THSD7A: variants seen among roughly 807,000 people sequenced by gnomAD.
THSD7A encodes the protein thrombospondin type-1 domain-containing protein 7A.
Under a neutral mutation model 231.3 loss-of-function variants are expected in THSD7A, and 96 were observed. The ratio of observed to expected loss-of-function variants is 0.41; its 90% CI spans 0.35 to 0.49. The LOEUF (loss-of-function observed/expected upper bound fraction) is 0.49, where lower values mean the gene tolerates loss of function less well. Ranked by LOEUF, THSD7A falls within the 20% of genes least tolerant of loss-of-function variation. The probability of loss-of-function intolerance (pLI) is 0.05; values close to 1 mark genes in which losing one functional copy is unlikely to be tolerated. For synonymous variants in THSD7A, 940 were observed against 743.3 expected (o/e 1.26, Z -4.30); for missense variants, 2,290 against 2,070.2 (o/e 1.11, Z -2.06).
intron 1 of THSD7A, among the ~76,000 whole-genome samples, chr7:11,667,185 A>T (rs752251568): frequency 6.6e-6 from 1 of 152,026 alleles, no homozygotes; most frequent in Non-Finnish European, 1.5e-5. Flanking sequence ...CCCAATATAT[A>T]GTCTTTTAGC....
At chr7:11,614,975 A>G (rs1422490290) in intron 2 of THSD7A, among the ~76,000 whole-genome samples, 3 of 152,188 alleles carry the variant, frequency 2.0e-5, no homozygotes, top group African/African-American at 7.2e-5. Flanking sequence ...TTGGATTGGA[A>G]CCAATGTTTT....
At chr7:11,729,380 G>A (rs1308206262) in intron 1 of THSD7A, among the ~76,000 whole-genome samples, 1 of 151,674 alleles carries the variant, frequency 6.6e-6, no homozygotes, top group African/African-American at 2.4e-5. Context: ...TCTGGAGTAA[G>A]GTTACCGATA....
chr7:11,737,280 C>T (rs954171317), intron 1 of THSD7A, among the ~76,000 whole-genome samples: 13 of 148,108 alleles, frequency 8.8e-5, no homozygotes, highest in Admixed American at 8.0e-4. Context: ...CTTCTGAAGA[C>T]AGAAGCTGTT....
intron 16 of THSD7A, among the ~76,000 whole-genome samples, chr7:11,423,939 G>C (rs1784235384): frequency 6.6e-6 from 1 of 152,128 alleles, no homozygotes; most frequent in Admixed American, 6.5e-5. Context: ...TGAATATGTG[G>C]GGTCTCTGTT....
At chr7:11,435,045 A>T (rs923407572) in intron 13 of THSD7A, among the ~76,000 whole-genome samples, 1 of 151,982 alleles carries the variant, frequency 6.6e-6, no homozygotes, top group East Asian at 1.9e-4. Context: ...ATTTGAAAGC[A>T]TATGTATTCA....
chr7:11,495,887 CAG>C (rs1442248017), intron 6 of THSD7A, among the ~76,000 whole-genome samples: 1 of 152,050 alleles, frequency 6.6e-6, no homozygotes, highest in Non-Finnish European at 1.5e-5. Flanking sequence ...ATCGAAATAA[CAG>C]GGGATTTGGA....
At chr7:11,535,026 C>T (rs959506433) in intron 6 of THSD7A, among the ~76,000 whole-genome samples, 1 of 152,134 alleles carries the variant, frequency 6.6e-6, no homozygotes. Flanking sequence ...TGTTAAGGTA[C>T]CCACCACCTA....
At chr7:11,427,049 G>A (rs1222269990) in intron 14 of THSD7A, among the ~76,000 whole-genome samples, 1 of 152,122 alleles carries the variant, frequency 6.6e-6, no homozygotes, top group Non-Finnish European at 1.5e-5. Context: ...TATATTTATA[G>A]ATTGATCTAT....
At chr7:11,538,044 T>G (rs1246890393) in intron 6 of THSD7A, among the ~76,000 whole-genome samples, 1 of 152,210 alleles carries the variant, frequency 6.6e-6, no homozygotes, top group Non-Finnish European at 1.5e-5. Context: ...AGCTGGGTAA[T>G]GCTGAGTTGC....
intron 23 of THSD7A, among the ~76,000 whole-genome samples, chr7:11,390,169 G>T (rs936220476): frequency 1.3e-5 from 2 of 152,148 alleles, no homozygotes; most frequent in Admixed American, 1.3e-4. Flanking sequence ...TGTCTTGCTA[G>T]GTTGGGGAAG....
At position 11,475,681 on chromosome 7, in the gene THSD7A, A is replaced by T. The variant is rs375142800; in HGVS notation, c.2018-1113T>A. 2.7e-4 allele frequency among the ~76,000 whole-genome samples: 41 copies of T among 149,718 alleles called. No individual in the cohort carries two copies. The East Asian group carries it at 7.2e-3, about 26-fold the overall frequency. ...TGCATTCTTCAAATTTTTCTAGGGA[A>T]TATGGGTACTACCTGGTTACTATAA... is the stretch of plus-strand genomic sequence containing the variant. On this transcript the variant is annotated intron_variant, in intron 7 of 27. Transcript: ENST00000423059.
At chr7:11,628,356 C>T (rs556356692) in intron 2 of THSD7A, among the ~76,000 whole-genome samples, 2 of 152,308 alleles carry the variant, frequency 1.3e-5, no homozygotes, top group East Asian at 1.9e-4. Context: ...TATTTTTCCA[C>T]ACGGAACAAT....
chr7:11,633,861 A>T (rs560304005), intron 2 of THSD7A, among the ~76,000 whole-genome samples: 198 of 152,328 alleles, frequency 1.3e-3, no homozygotes, highest in Non-Finnish European at 1.8e-3. Flanking sequence ...TGCAGTTACT[A>T]TAATGTAATT....
At chr7:11,405,371 G>T (rs935996665) in intron 22 of THSD7A, among the ~76,000 whole-genome samples, 1 of 151,688 alleles carries the variant, frequency 6.6e-6, no homozygotes, top group Non-Finnish European at 1.5e-5. Flanking sequence ...AATATTTTGA[G>T]GTCACATTCA....
intron 6 of THSD7A, among the ~76,000 whole-genome samples, chr7:11,516,671 T>C (rs529177440): frequency 6.6e-6 from 1 of 152,206 alleles, no homozygotes; most frequent in Non-Finnish European, 1.5e-5. Context: ...TTGCTAACAA[T>C]ATAAATCTCC....
chr7:11,490,996 C>G (rs1786868093), intron 6 of THSD7A, among the ~76,000 whole-genome samples: 1 of 152,108 alleles, frequency 6.6e-6, no homozygotes, highest in African/African-American at 2.4e-5. Flanking sequence ...CCCTCCCATA[C>G]TACTACAGAA....
chr7:11,660,525 G>A (rs1275638626), intron 1 of THSD7A, among the ~76,000 whole-genome samples: 3 of 151,196 alleles, frequency 2.0e-5, no homozygotes, highest in Non-Finnish European at 4.4e-5. Context: ...AACAGTTCAA[G>A]AGAAGAACAT....
intron 1 of THSD7A, among the ~76,000 whole-genome samples, chr7:11,703,707 TTTTGA>T (rs1215455276): frequency 5.9e-5 from 9 of 151,312 alleles, no homozygotes; most frequent in Non-Finnish European, 1.3e-4. Flanking sequence ...TTCTCTTTTC[TTTTGA>T]TTTAACATAA....
chr7:11,660,858 T>C (rs1782900585), intron 1 of THSD7A, among the ~76,000 whole-genome samples: 1 of 151,370 alleles, frequency 6.6e-6, no homozygotes, highest in South Asian at 2.1e-4. Context: ...AGGAGAACAA[T>C]TAGAAAAGCT....
Sources: gnomAD v4.1 joint callset for allele counts (sites outside exome capture counted in the v4.1 genomes callset) on GRCh38, gnomAD v4.1.1 for gene constraint, MANE v1.5 for transcripts, NCBI Gene and HGNC (gene_info 2026-07-23, HGNC 2026-07-21) for gene names.